SGCD: variants seen among roughly 807,000 people sequenced by gnomAD.
SGCD encodes delta-sarcoglycan.
A neutral mutation model predicts 36.6 loss-of-function variants in SGCD; 18 were observed. That is an observed-to-expected ratio of 0.49 (90% CI 0.34 to 0.73). The LOEUF (loss-of-function observed/expected upper bound fraction) is 0.73. SGCD is among the 30% of genes least tolerant of loss of function. The pLI is 0.01. For synonymous variants in SGCD, 133 were observed against 130.6 expected (o/e 1.02, Z -0.12); for missense variants, 387 against 346.7 (o/e 1.12, Z -0.92).
chr5:156,332,509 A>G (rs367868319), intron 2 of SGCD, among the ~76,000 whole-genome samples: 3 of 152,170 alleles, frequency 2.0e-5, no homozygotes, highest in Non-Finnish European at 4.4e-5. Context: ...GAGTTTCTCA[A>G]CTGAACCAAA....
rs1212409238 is a variant in SGCD at position 156,052,446 on chromosome 5, G to A, written c.-281-65432G>A. ...CTAAGTGTGATGAAAGGAAGCCTAG[G>A]GGCTTGGAGGACTAAGTTTATAAAA... On this transcript the variant is annotated intron_variant, in intron 1 of 9. Coordinates refer to the SGCD transcript ENST00000517913. Among the ~76,000 whole-genome samples the A allele has an allele frequency of 3.4e-5, 5 of 146,494 alleles. 1 individual carries two copies. The South Asian group carries it at 1.1e-3, about 32-fold the overall frequency.
At chr5:156,282,500 T>G (rs1171284999) in intron 3 of SGCD, among the ~76,000 whole-genome samples, 2 of 152,186 alleles carry the variant, frequency 1.3e-5, no homozygotes, top group Non-Finnish European at 2.9e-5. Context: ...ATGGGTGACC[T>G]GCTTAAATAA....
the SGCD span, among the ~76,000 whole-genome samples, chr5:155,753,547 A>T: frequency 6.6e-6 from 1 of 151,188 alleles, no homozygotes; most frequent in African/African-American, 2.4e-5. Context: ...TTGCAAACAC[A>T]TTTTTTTTTC....
chr5:155,945,163 G>A (rs1009916920), intron 1 of SGCD, among the ~76,000 whole-genome samples: 1 of 152,164 alleles, frequency 6.6e-6, no homozygotes, highest in Non-Finnish European at 1.5e-5. Context: ...AATGAGGTCT[G>A]TGTTATTGGA....
chr5:156,130,208 T>C (rs1381250502), intron 3 of SGCD, among the ~76,000 whole-genome samples: 1 of 152,234 alleles, frequency 6.6e-6, no homozygotes, highest in Non-Finnish European at 1.5e-5. Context: ...TGGTATCTTG[T>C]AATGGTTTTG....
intron 1 of SGCD, among the ~76,000 whole-genome samples, chr5:156,113,928 C>T (rs766904771): frequency 3.9e-5 from 6 of 151,916 alleles, no homozygotes; most frequent in South Asian, 2.1e-4. Context: ...GTATGCTATG[C>T]GATTCCAACA....
At chr5:155,844,581 A>G in the SGCD span, among the ~76,000 whole-genome samples, 2 of 152,196 alleles carry the variant, frequency 1.3e-5, no homozygotes, top group Admixed American at 1.3e-4. Context: ...GATCGTAAAT[A>G]AAAGAGAAAG....
the SGCD span, among the ~76,000 whole-genome samples, chr5:155,801,961 C>T: frequency 1.3e-5 from 2 of 152,136 alleles, no homozygotes; most frequent in Non-Finnish European, 2.9e-5. Flanking sequence ...TCTTCCTTTC[C>T]CCACCATCTT....
chr5:155,921,152 G>A (rs979096406), intron 1 of SGCD, among the ~76,000 whole-genome samples: 5 of 152,106 alleles, frequency 3.3e-5, no homozygotes, highest in African/African-American at 4.8e-5. Context: ...AGGAGGGAGA[G>A]CATATTAACA....
Position 156,339,967 on chromosome 5 carries a change from A to G in SGCD, c.4-4522A>G, listed in dbSNP as rs534556716. ...GCTATATGCCATTATCACTTTCTGT[A>G]TGGACAATGGAAAGATAATTATTTT... On this transcript the variant is annotated intron_variant, in intron 2 of 8. Transcript: ENST00000337851. Among the ~76,000 whole-genome samples, 7 of 152,316 alleles carry G rather than the reference A, an allele frequency of 4.6e-5. No individual in the cohort carries two copies. The East Asian group carries it at 7.7e-4, about 17-fold the overall frequency.
At chr5:156,167,565 T>A (rs1763242876) in intron 3 of SGCD, among the ~76,000 whole-genome samples, 1 of 152,128 alleles carries the variant, frequency 6.6e-6, no homozygotes, top group Non-Finnish European at 1.5e-5. Flanking sequence ...GGTGAATCCC[T>A]CATGAATGCC....
chr5:156,589,162 T>G, intron 4 of SGCD, 69 bp from the exon 5 acceptor site: 1 of 1,161,024 alleles, frequency 8.6e-7, no homozygotes, highest in African/African-American at 1.5e-5. Context: ...CCTTGGAGAG[T>G]TGTAATGACA....
intron 1 of SGCD, among the ~76,000 whole-genome samples, chr5:156,105,252 A>G (rs1761616841): frequency 6.6e-6 from 1 of 152,206 alleles, no homozygotes; most frequent in Admixed American, 6.5e-5. Flanking sequence ...TATGTAAATA[A>G]AGAAAGTACT....
chr5:156,700,080 G>A (rs534333386), intron 7 of SGCD, among the ~76,000 whole-genome samples: 3 of 152,206 alleles, frequency 2.0e-5, no homozygotes, highest in African/African-American at 4.8e-5. Context: ...CATCATTCCC[G>A]CCCAACTAAA....
intron 1 of SGCD, among the ~76,000 whole-genome samples, chr5:156,070,802 T>C (rs1461830707): frequency 6.6e-6 from 1 of 152,220 alleles, no homozygotes; most frequent in Non-Finnish European, 1.5e-5. Context: ...ATTGCCACAA[T>C]TTCAAAGCCT....
intron 7 of SGCD, among the ~76,000 whole-genome samples, chr5:156,696,408 C>T (rs539380739): frequency 6.6e-6 from 1 of 152,230 alleles, no homozygotes; most frequent in African/African-American, 2.4e-5. Flanking sequence ...ACTGTTCTTA[C>T]ATAAATATGT....
At chr5:156,257,368 G>A (rs1329325838) in intron 3 of SGCD, among the ~76,000 whole-genome samples, 1 of 152,074 alleles carries the variant, frequency 6.6e-6, no homozygotes, top group Admixed American at 6.5e-5. Context: ...CAGCTACTTG[G>A]GAGGCTGAGG....
intron 1 of SGCD, among the ~76,000 whole-genome samples, chr5:155,953,853 A>T (rs953720226): frequency 6.6e-6 from 1 of 152,178 alleles, no homozygotes; most frequent in African/African-American, 2.4e-5. Flanking sequence ...GTGCGTTAAA[A>T]TATCCAATTT....
chr5:155,980,409 C>A (rs1258635186), intron 1 of SGCD, among the ~76,000 whole-genome samples: 1 of 151,376 alleles, frequency 6.6e-6, no homozygotes, highest in African/African-American at 2.4e-5. Context: ...CACGGTGAAA[C>A]CCCGTCTCTA....
Sources: allele counts gnomAD v4.1 joint callset (sites outside exome capture counted in the v4.1 genomes callset), GRCh38; gene constraint gnomAD v4.1.1; transcripts MANE v1.5; gene names NCBI Gene and HGNC (gene_info 2026-07-23, HGNC 2026-07-21).